Variants in KCNQ1 observed in about 807,000 individuals in gnomAD.
KCNQ1 encodes potassium voltage-gated channel subfamily KQT member 1.
A neutral mutation model predicts 72.4 loss-of-function variants in KCNQ1; 49 were observed. The ratio of observed to expected loss-of-function variants is 0.68; its 90% CI spans 0.54 to 0.86. The LOEUF (loss-of-function observed/expected upper bound fraction) is 0.86, where lower values mean the gene tolerates loss of function less well. Among genes scored for constraint, KCNQ1 ranks in the 40% least tolerant of loss-of-function variants. KCNQ1 has a pLI of 0.00. For missense variants in KCNQ1, 790 were observed against 945.1 expected, an observed-to-expected ratio of 0.84 and a Z score of 2.15; for synonymous variants, 450 against 412.6, an observed-to-expected ratio of 1.09 and a Z score of -1.10.
At chr11:2,487,507 G>A (rs1368254457) in intron 1 of KCNQ1, among the ~76,000 whole-genome samples, 4 of 152,130 alleles carry the variant, frequency 2.6e-5, no homozygotes, top group African/African-American at 9.7e-5. Flanking sequence ...ATGAACATGG[G>A]ATATGTTTCC....
chr11:2,763,096 T>C (rs1428519692), intron 11 of KCNQ1, among the ~76,000 whole-genome samples: 3 of 152,258 alleles, frequency 2.0e-5, no homozygotes, highest in Non-Finnish European at 1.5e-5. Flanking sequence ...CACTGTGATA[T>C]TGATTGGAAT....
At chr11:2,573,424 G>A (rs1434155619) in intron 6 of KCNQ1, among the ~76,000 whole-genome samples, 1 of 152,168 alleles carries the variant, frequency 6.6e-6, no homozygotes, top group African/African-American at 2.4e-5. Context: ...CACAGGCCCT[G>A]TAAGTGCCCC....
chr11:2,748,031 C>T lies in KCNQ1; in HGVS notation c.1515-20813C>T, dbSNP rs992576357. ...AAGAAGACCACTCGGGCCTAGGGCTCTGCAAGCAATATCTGATTTTCAGAA... is the reference window on the plus strand; with the variant it reads ...AAGAAGACCACTCGGGCCTAGGGCTTTGCAAGCAATATCTGATTTTCAGAA... On this transcript the variant is annotated intron_variant, in intron 11 of 15. Transcript: ENST00000155840. The surrounding 1 kb of genome is among the most constrained non-coding windows in gnomAD (Gnocchi z 6.2). Among the ~76,000 whole-genome samples the T allele has an allele frequency of 5.3e-5, 8 of 152,194 alleles. No individual in the cohort carries two copies. The highest frequency in any genetic ancestry group is 1.4e-4 in the African/African-American group (6 of 41,434).
intron 1 of KCNQ1, among the ~76,000 whole-genome samples, chr11:2,454,581 C>T (rs555311510): frequency 6.6e-6 from 1 of 152,218 alleles, no homozygotes; most frequent in South Asian, 2.1e-4. Context: ...ATGGGAATTG[C>T]AGGTTAAGGT....
chr11:2,734,205 C>T lies in KCNQ1; in HGVS notation c.1515-34639C>T, dbSNP rs1270923296. On this transcript the variant is annotated intron_variant, in intron 11 of 15. Transcript: ENST00000155840. The surrounding 1 kb of genome is among the most constrained non-coding windows in gnomAD (Gnocchi z 7.0). ...ACGTCCAAAGAATAAACGAATGAAC[C>T]ATCCAAAGCACAGGCCAGAGGCAGA... 6.6e-6 allele frequency among the ~76,000 whole-genome samples: 1 copy of T among 152,194 alleles called. No homozygotes were observed. The highest frequency in any genetic ancestry group is 1.9e-4 in the East Asian group (1 of 5,176).
intron 1 of KCNQ1, among the ~76,000 whole-genome samples, chr11:2,489,751 C>T (rs1846804294): frequency 6.6e-6 from 1 of 152,214 alleles, no homozygotes; most frequent in African/African-American, 2.4e-5. Context: ...GGCTCTTGGA[C>T]ATTTCCAGAC....
rs1849155098 is a variant in KCNQ1, at chr11:2,620,698, A to G, written c.1393+31844A>G. 1 of 398,452 alleles carries G rather than the reference A, an allele frequency of 2.5e-6. No individual in the cohort carries two copies. The highest frequency in any genetic ancestry group is 1.3e-4 in the South Asian group (1 of 7,866). The allele number at this position is 398,452 out of a possible 1,614,324, so 24.7% of individuals were successfully genotyped here. On this transcript the variant is annotated intron_variant, in intron 10 of 15. Coordinates refer to ENST00000155840, the MANE Select transcript of KCNQ1 (RefSeq NM_000218.3). The surrounding 1 kb of genome is among the most constrained non-coding windows in gnomAD (Gnocchi z 4.5). ...TAGAACAATTTATTTTCCTTTGAAT[A>G]TATATCCAGTAATGGGATTGCTGGG... is the stretch of plus-strand genomic sequence containing the variant.
intron 1 of KCNQ1, among the ~76,000 whole-genome samples, chr11:2,460,723 C>T (rs1045515517): frequency 2.0e-5 from 3 of 152,236 alleles, no homozygotes; most frequent in African/African-American, 7.2e-5. Flanking sequence ...TGGGTGGGAG[C>T]AACCCCCCAT....
In KCNQ1 at chr11:2,485,848, A is replaced by G. The variant is rs563492318; in HGVS notation, c.386+40364A>G. On this transcript the variant is annotated intron_variant, in intron 1 of 15. Transcript: ENST00000155840. Reference sequence around the variant, plus strand: ...GGCATAATGTCCTGAAAGTTCACTCATGCTGTAGCATGTGTCAGAATTTCC... The same window carrying G: ...GGCATAATGTCCTGAAAGTTCACTCGTGCTGTAGCATGTGTCAGAATTTCC... Among the ~76,000 whole-genome samples the G allele has an allele frequency of 3.3e-5, 5 of 152,346 alleles. 1 individual carries two copies. The East Asian group carries it at 9.6e-4, about 29-fold the overall frequency.
intron 10 of KCNQ1, chr11:2,638,593 T>A (rs1324278743): frequency 6.6e-6 from 1 of 152,250 alleles, no homozygotes; most frequent in Non-Finnish European, 1.5e-5. Flanking sequence ...CCTTTCTCTC[T>A]GGCTGCCCTT....
At chr11:2,461,424 C>T (rs541397903) in intron 1 of KCNQ1, 178 of 1,279,746 alleles carry the variant, frequency 1.4e-4, no homozygotes, top group Non-Finnish European at 1.6e-4. Context: ...CCGGCCGGGG[C>T]GGGGGTGGCC....
At chr11:2,706,733 C>T (rs996851134) in intron 11 of KCNQ1, among the ~76,000 whole-genome samples, 3 of 152,168 alleles carry the variant, frequency 2.0e-5, no homozygotes, top group African/African-American at 7.2e-5. Context: ...GCATGCCCAC[C>T]CCAGGCATAC....
intron 15 of KCNQ1, among the ~76,000 whole-genome samples, chr11:2,792,134 T>G (rs1330209219): frequency 1.3e-5 from 2 of 152,144 alleles, no homozygotes; most frequent in East Asian, 1.9e-4. Context: ...CCGCCACCCC[T>G]GCAGGCCCGG....
Position 2,773,125 on chromosome 11 carries a change from G to A in KCNQ1, c.1591-2835G>A, listed in dbSNP as rs116367106. Among the ~76,000 whole-genome samples, 787 of 150,570 alleles carry A rather than the reference G, an allele frequency of 5.2e-3. 9 individuals are homozygous for A. Among genetic ancestry groups the A allele is most frequent in the African/African-American group, 0.018 (746 of 40,930 alleles). On this transcript the variant is annotated intron_variant, in intron 12 of 15. Coordinates refer to ENST00000155840, the MANE Select transcript of KCNQ1 (RefSeq NM_000218.3). Reference sequence around the variant, plus strand: ...GTGCTCAGCATCCCATCTTAGAGAAGAGAGCGTAGAATCTCCATCATACAG... The same window carrying A: ...GTGCTCAGCATCCCATCTTAGAGAAAAGAGCGTAGAATCTCCATCATACAG...
chr11:2,562,564 T>C lies in KCNQ1; in HGVS notation c.478-8064T>C, dbSNP rs1848188599. ...GCCCAGCCCTCTGGCTTCCTCGCTA[T>C]GGGAGGGGGTGAGACCCTAATCCCG... On this transcript the variant is annotated intron_variant, in intron 2 of 15. Transcript: ENST00000155840. This position sits in a 1 kb window ranked among gnomAD's most constrained non-coding sequence, Gnocchi z 7.5. Among the ~76,000 whole-genome samples, 2 of 152,106 alleles carry C rather than the reference T, an allele frequency of 1.3e-5. No individual in the cohort carries two copies.
In KCNQ1 at chr11:2,752,560, G is replaced by T. The variant is rs118042001; in HGVS notation, c.1515-16284G>T. ...CAGCAGATCTGGTGTCTGGTAAGGG[G>T]TCTGTCTGATTCATGGAAGTCAGCG... On this transcript the variant is annotated intron_variant, in intron 11 of 15. Coordinates refer to ENST00000155840, the MANE Select transcript of KCNQ1 (RefSeq NM_000218.3). This position sits in a 1 kb window ranked among gnomAD's most constrained non-coding sequence, Gnocchi z 5.2. 0.013 allele frequency among the ~76,000 whole-genome samples: 2,042 copies of T among 152,238 alleles called. 24 individuals are homozygous for T. Among genetic ancestry groups the T allele is most frequent in the Non-Finnish European group, 0.02 (1,387 of 68,002 alleles).
chr11:2,593,132 A>T lies in KCNQ1; in HGVS notation c.1393+4278A>T, dbSNP rs548199034. Reference sequence around the variant, plus strand: ...CCCTTCCCAAGCTGGTACCATGCCTAACCCATGGTGGGTACACGATAAAAA... The same window carrying T: ...CCCTTCCCAAGCTGGTACCATGCCTTACCCATGGTGGGTACACGATAAAAA... On this transcript the variant is annotated intron_variant, in intron 10 of 15. Coordinates refer to ENST00000155840, the MANE Select transcript of KCNQ1 (RefSeq NM_000218.3). This position sits in a 1 kb window ranked among gnomAD's most constrained non-coding sequence, Gnocchi z 6.9. Among the ~76,000 whole-genome samples the T allele has an allele frequency of 6.6e-6, 1 of 152,254 alleles. No homozygotes were observed. The highest frequency in any genetic ancestry group is 1.5e-5 in the Non-Finnish European group (1 of 68,000).
intron 11 of KCNQ1, among the ~76,000 whole-genome samples, chr11:2,736,615 T>C: frequency 6.6e-6 from 1 of 151,862 alleles, no homozygotes; most frequent in East Asian, 1.9e-4. Context: ...GGGCCGTCCC[T>C]CCCACCCCCC....
chr11:2,533,117 G>C (rs892947643), intron 2 of KCNQ1, among the ~76,000 whole-genome samples: 1 of 152,196 alleles, frequency 6.6e-6, no homozygotes, highest in Admixed American at 6.5e-5. Flanking sequence ...TAAATGTTGG[G>C]GGAAAAAATG....
Sources: allele counts gnomAD v4.1 joint callset (sites outside exome capture counted in the v4.1 genomes callset), GRCh38; gene constraint gnomAD v4.1.1; non-coding constraint Gnocchi (gnomAD v3.1); transcripts MANE v1.5; gene names NCBI Gene and HGNC (gene_info 2026-07-23, HGNC 2026-07-21).